DAB1: variants seen among roughly 807,000 people sequenced by gnomAD.
DAB1 encodes the protein DAB adaptor protein 1.
A neutral mutation model predicts 64.6 loss-of-function variants in DAB1; 15 were observed. The ratio of observed to expected loss-of-function variants is 0.23; its 90% confidence interval spans 0.16 to 0.36. The LOEUF is 0.36. DAB1 is among the 10% of genes least tolerant of loss of function. DAB1 has a pLI of 1.00. For missense variants in DAB1, 596 were observed against 706.7 expected, an observed-to-expected ratio of 0.84 and a Z score of 1.78; for synonymous variants, 235 against 251.9, an observed-to-expected ratio of 0.93 and a Z score of 0.64.
chr1:57,042,114 C>A (rs1647864560), intron 9 of DAB1, among the ~76,000 whole-genome samples: 1 of 152,114 alleles, frequency 6.6e-6, no homozygotes, highest in East Asian at 1.9e-4. Context: ...ATAGGGAAAC[C>A]AGTAGTTTCC....
At chr1:58,243,154 TC>T (rs1479479407) in intron 4 of DAB1, among the ~76,000 whole-genome samples, 1 of 151,940 alleles carries the variant, frequency 6.6e-6, no homozygotes, top group Non-Finnish European at 1.5e-5. Flanking sequence ...TTTTAAACCC[TC>T]CTTCCTGTCA....
chr1:57,681,915 A>T lies in DAB1; in HGVS notation n.552-32250T>A, dbSNP rs1444077988. On this transcript the variant is annotated intron_variant and non_coding_transcript_variant, in intron 6 of 20. Coordinates refer to the DAB1 transcript ENST00000485760. ...GCCTCAAAGCCAGCACTAAGAAGCCAGCTGCCAGGCATCTGCCCCAGTAAA... is the reference window on the plus strand; with the variant it reads ...GCCTCAAAGCCAGCACTAAGAAGCCTGCTGCCAGGCATCTGCCCCAGTAAA... Among the ~76,000 whole-genome samples, 7 of 152,266 alleles carry T rather than the reference A, an allele frequency of 4.6e-5. No individual in the cohort carries two copies. The East Asian group carries it at 1.4e-3, about 29-fold the overall frequency.
At chr1:57,998,505 A>G (rs965803191) in intron 5 of DAB1, among the ~76,000 whole-genome samples, 6 of 150,616 alleles carry the variant, frequency 4.0e-5, no homozygotes, top group African/African-American at 1.2e-4. Flanking sequence ...CTGGGACTAC[A>G]GGCGCACACC....
intron 6 of DAB1, among the ~76,000 whole-genome samples, chr1:57,761,867 C>T (rs138479340): frequency 6.4e-4 from 98 of 152,266 alleles, no homozygotes; most frequent in African/African-American, 2.3e-3. Context: ...AAAGACTCCC[C>T]CAGACAGCCA....
At chr1:57,521,203 T>C (rs888856649) in intron 7 of DAB1, among the ~76,000 whole-genome samples, 2 of 152,204 alleles carry the variant, frequency 1.3e-5, no homozygotes, top group Middle Eastern at 3.2e-3. Flanking sequence ...CCATATCCTC[T>C]GGATTTTTCA....
intron 1 of DAB1, among the ~76,000 whole-genome samples, chr1:57,369,365 TAA>T (rs996173119): frequency 6.6e-6 from 1 of 152,170 alleles, no homozygotes; most frequent in Non-Finnish European, 1.5e-5. Context: ...AGGGATTATC[TAA>T]AAAGTGGAAA....
At position 57,618,031 on chromosome 1, in the gene DAB1, C is replaced by T. The variant is rs573368172; in HGVS notation, n.625+31561G>A. On this transcript the variant is annotated intron_variant and non_coding_transcript_variant, in intron 7 of 20. Coordinates refer to the DAB1 transcript ENST00000485760. The stretch of plus-strand genomic sequence containing the variant: ...GGATTTCTGGACTAGAACAAAAACT[C>T]CAGGGAAGAGATCTTCTTCCTCAGG... 1.8e-4 allele frequency among the ~76,000 whole-genome samples: 28 copies of T among 152,254 alleles called. No individual in the cohort carries two copies. The South Asian group carries it at 3.3e-3, about 18-fold the overall frequency.
At chr1:57,998,389 CTTTT>C (rs3991037) in intron 5 of DAB1, among the ~76,000 whole-genome samples, 12 of 128,792 alleles carry the variant, frequency 9.3e-5, no homozygotes, top group South Asian at 2.7e-4. Flanking sequence ...TTTTTTCTCT[CTTTT>C]TTTTTTTTTT....
At chr1:57,748,414 C>A (rs115549299) in intron 6 of DAB1, among the ~76,000 whole-genome samples, 6 of 151,984 alleles carry the variant, frequency 3.9e-5, no homozygotes, top group Admixed American at 3.9e-4. Context: ...AATGAGAATG[C>A]GATTATTACA....
At chr1:57,062,969 G>C in intron 8 of DAB1, 26 bp from the exon 9 acceptor site, 1 of 1,602,024 alleles carries the variant, frequency 6.2e-7, no homozygotes, top group Non-Finnish European at 8.6e-7. Flanking sequence ...ATTCAGCACA[G>C]TCAAAACACT....
intron 1 of DAB1, among the ~76,000 whole-genome samples, chr1:57,353,732 C>T (rs559137904): frequency 2.0e-4 from 31 of 152,264 alleles, no homozygotes; most frequent in Non-Finnish European, 3.5e-4. Context: ...CTCCACGTTG[C>T]TTTTGCTACA....
chr1:57,134,047 C>T (rs1657860537), intron 4 of DAB1, among the ~76,000 whole-genome samples: 1 of 152,106 alleles, frequency 6.6e-6, no homozygotes, highest in African/African-American at 2.4e-5. Context: ...TGACTTTGTC[C>T]AGCACTTTAT....
chr1:57,106,717 A>G (rs1655193363), intron 4 of DAB1, among the ~76,000 whole-genome samples: 1 of 152,220 alleles, frequency 6.6e-6, no homozygotes, highest in African/African-American at 2.4e-5. Flanking sequence ...AACATTGATG[A>G]AGTAATAAAG....
chr1:57,616,097 C>T (rs2101609331), intron 7 of DAB1, among the ~76,000 whole-genome samples: 1 of 152,250 alleles, frequency 6.6e-6, no homozygotes, highest in Non-Finnish European at 1.5e-5. Context: ...AGTGTTCTTA[C>T]TATGGCCCCT....
chr1:58,368,894 G>A (rs187448661), intron 3 of DAB1, among the ~76,000 whole-genome samples: 4 of 152,286 alleles, frequency 2.6e-5, no homozygotes, highest in African/African-American at 9.6e-5. Flanking sequence ...GGGCATGGTG[G>A]CACATGCCTG....
chr1:58,327,682 G>A (rs963030981), intron 4 of DAB1, among the ~76,000 whole-genome samples: 2 of 152,086 alleles, frequency 1.3e-5, no homozygotes, highest in Non-Finnish European at 2.9e-5. Flanking sequence ...CTTGAGAAAT[G>A]AGCAAGAGTT....
chr1:57,921,628 T>C (rs916479763), intron 5 of DAB1, among the ~76,000 whole-genome samples: 1 of 152,054 alleles, frequency 6.6e-6, no homozygotes, highest in Non-Finnish European at 1.5e-5. Context: ...GATCACTTCT[T>C]GCCACCTCTG....
chr1:58,315,555 A>G (rs529376958), intron 4 of DAB1, among the ~76,000 whole-genome samples: 2 of 152,308 alleles, frequency 1.3e-5, no homozygotes, highest in South Asian at 4.1e-4. Context: ...GAATTTATAC[A>G]TAGTTTGATA....
At chr1:57,982,299 C>T (rs551541863) in intron 5 of DAB1, among the ~76,000 whole-genome samples, 1 of 152,266 alleles carries the variant, frequency 6.6e-6, no homozygotes, top group South Asian at 2.1e-4. Context: ...GTAAATCACC[C>T]ACATGAAGCA....
Sources: gnomAD v4.1 joint callset for allele counts (sites outside exome capture counted in the v4.1 genomes callset) on GRCh38, gnomAD v4.1.1 for gene constraint, MANE v1.5 for transcripts, NCBI Gene and HGNC (gene_info 2026-07-23, HGNC 2026-07-21) for gene names.